The following SNAP91 variants were observed in gnomAD, a reference collection of about 807,000 sequenced individuals.
SNAP91 encodes clathrin coat assembly protein AP180.
SNAP91 carries 27 observed loss-of-function variants against 100.3 expected under a neutral mutation model. The ratio of observed to expected loss-of-function variants is 0.27; its 90% CI spans 0.20 to 0.37. SNAP91 has a LOEUF of 0.37. Among genes scored for constraint, SNAP91 ranks in the 10% least tolerant of loss-of-function variants. The probability of loss-of-function intolerance (pLI) is 1.00; values close to 1 mark genes in which losing one functional copy is unlikely to be tolerated. For missense variants in SNAP91, 986 were observed against 1,123.7 expected (o/e 0.88, Z 1.75); for synonymous variants, 404 against 398.6 (o/e 1.01, Z -0.16).
Position 83,694,620 on chromosome 6 carries a change from T to C in SNAP91, c.130+13178A>G, listed in dbSNP as rs766862502. Among the ~76,000 whole-genome samples the C allele has an allele frequency of 1.3e-3, 205 of 152,332 alleles. 2 individuals are homozygous for C. Among genetic ancestry groups the C allele is most frequent in the East Asian group, 2.3e-3 (12 of 5,188 alleles). ...GAACCCATTTCTCTCTGTGAGGCTA[T>C]GATAATGTGAACCTGGGAGCTTTAG... On this transcript the variant is annotated intron_variant, in intron 2 of 29. Coordinates refer to ENST00000369694, the MANE Select transcript of SNAP91 (RefSeq NM_001242792.2).
intron 11 of SNAP91, among the ~76,000 whole-genome samples, chr6:83,612,826 G>C (rs1362670348): frequency 6.7e-6 from 1 of 150,092 alleles, no homozygotes; most frequent in Non-Finnish European, 1.5e-5. Context: ...GGTGGGTGGA[G>C]GTTGCAGCGA....
intron 22 of SNAP91, among the ~76,000 whole-genome samples, chr6:83,585,831 G>T: frequency 6.6e-6 from 1 of 151,626 alleles, no homozygotes. Flanking sequence ...TTCAGTTGCA[G>T]GAGTACAATT....
chr6:83,675,532 T>C (rs1457488061), intron 2 of SNAP91, among the ~76,000 whole-genome samples: 10 of 152,176 alleles, frequency 6.6e-5, no homozygotes, highest in Non-Finnish European at 1.5e-4. Context: ...TGTGGAAATA[T>C]ATGCTACAAA....
At chr6:83,623,420 ATTAGT>A (rs1048995619) in intron 8 of SNAP91, 78 bp from the exon 9 acceptor site, 134 of 1,023,342 alleles carry the variant, frequency 1.3e-4, no homozygotes, top group Middle Eastern at 2.9e-4. Context: ...CACCTACACA[ATTAGT>A]TTAAACAGCT....
rs1283986175 is a variant in SNAP91, at chr6:83,553,502, C to A, written c.*794G>T. 1.3e-5 allele frequency: 2 copies of A among 152,026 alleles called. No individual in the cohort carries two copies. Among genetic ancestry groups the A allele is most frequent in the Non-Finnish European group, 2.9e-5 (2 of 67,982 alleles). 9.4% of individuals were successfully genotyped at this position (152,026 alleles called of 1,614,324 possible). A position where few individuals can be genotyped will look rare whatever the true frequency, so the allele number is the denominator to read the frequency against. ...TAACCGCATTTTCATGAACATGACACAAACAGACCCTTTACTTTTCAGTGC... is the reference window on the plus strand; with the variant it reads ...TAACCGCATTTTCATGAACATGACAAAAACAGACCCTTTACTTTTCAGTGC... On this transcript the variant is annotated 3_prime_UTR_variant, in exon 30 of 30. Transcript: ENST00000369694.
intron 22 of SNAP91, among the ~76,000 whole-genome samples, chr6:83,590,154 T>G (rs2093522507): frequency 6.6e-6 from 1 of 152,022 alleles, no homozygotes; most frequent in Admixed American, 6.6e-5. Context: ...AGTGACTGAG[T>G]CCTCTGTGAA....
At chr6:83,562,575 A>G (rs1477128914) in intron 26 of SNAP91, among the ~76,000 whole-genome samples, 1 of 152,178 alleles carries the variant, frequency 6.6e-6, no homozygotes, top group East Asian at 1.9e-4. Flanking sequence ...TAAGGTGGTC[A>G]TCTAGATATC....
intron 2 of SNAP91, among the ~76,000 whole-genome samples, chr6:83,680,577 CTT>C (rs894726540): frequency 6.6e-6 from 1 of 152,122 alleles, no homozygotes; most frequent in Non-Finnish European, 1.5e-5. Flanking sequence ...CTGCCCTTCT[CTT>C]TATAAATTTT....
chr6:83,691,929 T>A (rs1236326868), intron 2 of SNAP91, among the ~76,000 whole-genome samples: 2 of 152,186 alleles, frequency 1.3e-5, no homozygotes, highest in African/African-American at 4.8e-5. Context: ...ATGATTTTAA[T>A]AAAGTATAAG....
At chr6:83,648,377 T>A (rs1220324796) in intron 7 of SNAP91, among the ~76,000 whole-genome samples, 1 of 151,856 alleles carries the variant, frequency 6.6e-6, no homozygotes, top group Non-Finnish European at 1.5e-5. Context: ...TTAGTTTCTT[T>A]ATGGTTTTTT....
At chr6:83,692,043 A>G (rs1463221620) in intron 2 of SNAP91, among the ~76,000 whole-genome samples, 1 of 152,194 alleles carries the variant, frequency 6.6e-6, no homozygotes, top group African/African-American at 2.4e-5. Context: ...AGAATAAACT[A>G]TCATCTCTCA....
intron 8 of SNAP91, among the ~76,000 whole-genome samples, chr6:83,628,523 GT>G (rs562616201): frequency 4.9e-4 from 71 of 145,382 alleles, no homozygotes; most frequent in East Asian, 1.8e-3. Context: ...AACATCTACT[GT>G]TTTTTTTTTT....
intron 7 of SNAP91, among the ~76,000 whole-genome samples, chr6:83,651,779 G>A (rs970842790): frequency 1.3e-5 from 2 of 152,056 alleles, no homozygotes; most frequent in African/African-American, 4.8e-5. Context: ...GTGTTGTTGA[G>A]TTCAACTTCA....
intron 2 of SNAP91, among the ~76,000 whole-genome samples, chr6:83,690,695 T>C (rs2099119251): frequency 6.6e-6 from 1 of 152,056 alleles, no homozygotes; most frequent in African/African-American, 2.4e-5. Context: ...TATCTCATGC[T>C]CTAGGACCTT....
intron 2 of SNAP91, among the ~76,000 whole-genome samples, chr6:83,677,397 A>T (rs2098925262): frequency 6.6e-6 from 1 of 152,174 alleles, no homozygotes. Context: ...AGAGGAGATA[A>T]TGACCATGAA....
chr6:83,653,624 G>T (rs12191499), intron 7 of SNAP91, among the ~76,000 whole-genome samples: 6,842 of 152,132 alleles, frequency 0.045, 196 homozygotes, highest in East Asian at 0.076. Context: ...TCTGATGCTT[G>T]CTCTGTCTTT....
intron 6 of SNAP91, among the ~76,000 whole-genome samples, chr6:83,658,612 A>C (rs1175101692): frequency 6.6e-6 from 1 of 152,216 alleles, no homozygotes; most frequent in African/African-American, 2.4e-5. Flanking sequence ...TCTCAAAAAA[A>C]TAAATAAATA....
At chr6:83,619,066 TAA>T (rs1329737052) in intron 9 of SNAP91, among the ~76,000 whole-genome samples, 1 of 151,546 alleles carries the variant, frequency 6.6e-6, no homozygotes, top group African/African-American at 2.4e-5. Context: ...ATTCGTTTTG[TAA>T]AGTTTCTTTC....
At position 83,594,016 on chromosome 6, in the gene SNAP91, T is replaced by C. The variant is rs144897029; in HGVS notation, c.1433-275A>G. 6.1e-3 allele frequency among the ~76,000 whole-genome samples: 935 copies of C among 152,330 alleles called. 7 individuals carry two copies. The highest frequency in any genetic ancestry group is 0.022 in the African/African-American group (903 of 41,576). ...CCTACAGTCTAGGATCAGAGATTGCTATCCTTCAAATCTTCACTTTATTTG... is the reference window on the plus strand; with the variant it reads ...CCTACAGTCTAGGATCAGAGATTGCCATCCTTCAAATCTTCACTTTATTTG... On this transcript the variant is annotated intron_variant, in intron 17 of 29. Coordinates refer to ENST00000369694, the MANE Select transcript of SNAP91 (RefSeq NM_001242792.2).
Sources: gnomAD v4.1 joint callset for allele counts (sites outside exome capture counted in the v4.1 genomes callset) on GRCh38, gnomAD v4.1.1 for gene constraint, MANE v1.5 for transcripts, NCBI Gene and HGNC (gene_info 2026-07-23, HGNC 2026-07-21) for gene names.